The following GABRA2 variants were observed in gnomAD, a reference collection of about 807,000 sequenced individuals.
The protein encoded by GABRA2 is gamma-aminobutyric acid receptor subunit alpha-2.
GABRA2 carries 16 observed loss-of-function variants against 48.7 expected under a neutral mutation model. That is an observed-to-expected ratio of 0.33 (90% CI 0.22 to 0.50). The LOEUF (loss-of-function observed/expected upper bound fraction) is 0.50, where lower values mean the gene tolerates loss of function less well. Ranked by LOEUF, GABRA2 falls within the 20% of genes least tolerant of loss-of-function variation. GABRA2 has a pLI of 0.98. For synonymous variants in GABRA2, 185 were observed against 184.5 expected, an observed-to-expected ratio of 1.00 and a Z score of -0.02; for missense variants, 275 against 535.6, an observed-to-expected ratio of 0.51 and a Z score of 4.80.
rs1226125528 is a variant in GABRA2 at position 46,244,256 on chromosome 4, TTAAAAA to T, written c.*6046_*6051del. On this transcript the variant is annotated 3_prime_UTR_variant, in exon 10 of 10. Coordinates refer to ENST00000381620, the MANE Select transcript of GABRA2 (RefSeq NM_000807.4). ...TGCTTCAACGACTATGTCGAATATG[TTAAAAA>T]TAAATTCTGAACAAATCTATCAGTA... is the stretch of plus-strand genomic sequence containing the variant. 2.0e-5 allele frequency: 3 copies of T among 151,654 alleles called. No individual in the cohort carries two copies. Among genetic ancestry groups the T allele is most frequent in the African/African-American group, 7.2e-5 (3 of 41,416 alleles). 9.4% of individuals were successfully genotyped at this position (151,654 alleles called of 1,614,324 possible).
intron 8 of GABRA2, among the ~76,000 whole-genome samples, chr4:46,301,470 C>T (rs1477555761): frequency 6.6e-6 from 1 of 152,022 alleles, no homozygotes; most frequent in Non-Finnish European, 1.5e-5. Flanking sequence ...ACCTATAAGG[C>T]CCTTCTCATC....
chr4:46,319,036 G>A (rs1156701573), intron 4 of GABRA2, among the ~76,000 whole-genome samples: 1 of 151,620 alleles, frequency 6.6e-6, no homozygotes, highest in East Asian at 1.9e-4. Context: ...CCAGTCAAAT[G>A]TTTTTGCCAC....
Position 46,298,810 on chromosome 4 carries a change from T to C in GABRA2, c.856+4650A>G, listed in dbSNP as rs183731679. Reference sequence around the variant, plus strand: ...GGGCACTAACAGGTGAAGATATTAGTGTATTAATATATTGTATGTGACTCA... The same window carrying C: ...GGGCACTAACAGGTGAAGATATTAGCGTATTAATATATTGTATGTGACTCA... On this transcript the variant is annotated intron_variant, in intron 8 of 9. Transcript: ENST00000381620. 2.4e-3 allele frequency among the ~76,000 whole-genome samples: 369 copies of C among 152,010 alleles called. 2 individuals carry two copies. Among genetic ancestry groups the C allele is most frequent in the Non-Finnish European group, 4.5e-3 (305 of 67,802 alleles).
At chr4:46,271,489 C>T (rs1378195996) in intron 8 of GABRA2, among the ~76,000 whole-genome samples, 1 of 151,890 alleles carries the variant, frequency 6.6e-6, no homozygotes, top group Non-Finnish European at 1.5e-5. Context: ...ACAAATACAA[C>T]CTCAGCATAC....
intron 3 of GABRA2, among the ~76,000 whole-genome samples, chr4:46,352,699 A>T (rs1735330603): frequency 6.6e-6 from 1 of 152,046 alleles, no homozygotes; most frequent in Non-Finnish European, 1.5e-5. Context: ...GTCCATTTCC[A>T]TTCACTGTAG....
At chr4:46,258,036 T>C (rs901461671) in intron 9 of GABRA2, among the ~76,000 whole-genome samples, 18 of 151,942 alleles carry the variant, frequency 1.2e-4, no homozygotes, top group African/African-American at 4.1e-4. Flanking sequence ...GAGGTTGAGA[T>C]GTTATATTCA....
chr4:46,284,784 A>AT (rs1376187122), intron 8 of GABRA2, among the ~76,000 whole-genome samples: 7 of 151,976 alleles, frequency 4.6e-5, no homozygotes, highest in Non-Finnish European at 1.0e-4. Context: ...GAGCATATTA[A>AT]TTTTTTAAAA....
At chr4:46,279,416 G>T (rs907407016) in intron 8 of GABRA2, among the ~76,000 whole-genome samples, 2 of 151,886 alleles carry the variant, frequency 1.3e-5, no homozygotes, top group Non-Finnish European at 2.9e-5. Context: ...CTTACTTATT[G>T]TCTCACACCT....
intron 4 of GABRA2, among the ~76,000 whole-genome samples, chr4:46,323,045 T>C (rs1729723030): frequency 6.6e-6 from 1 of 151,734 alleles, no homozygotes; most frequent in Non-Finnish European, 1.5e-5. Flanking sequence ...TATTGTTGTC[T>C]TTTACAGAAT....
intron 5 of GABRA2, among the ~76,000 whole-genome samples, chr4:46,310,654 A>T (rs1053383087): frequency 1.3e-5 from 2 of 152,274 alleles, no homozygotes; most frequent in African/African-American, 4.8e-5. Context: ...AAAATTGATC[A>T]AAGGATTCAA....
At chr4:46,290,423 T>A (rs1384184444) in intron 8 of GABRA2, among the ~76,000 whole-genome samples, 1 of 152,116 alleles carries the variant, frequency 6.6e-6, no homozygotes, top group Non-Finnish European at 1.5e-5. Flanking sequence ...GTCTATTTAA[T>A]TAGATCTTTT....
chr4:46,253,462 C>G lies in GABRA2; in HGVS notation c.1060-2858G>C, dbSNP rs1032683609. On this transcript the variant is annotated intron_variant, in intron 9 of 9. Transcript: ENST00000381620. ...TTGTTTTATGCTAACACTGTGGACT[C>G]TTTAATAAGCAGTGTTAAAACTCGT... Among the ~76,000 whole-genome samples the G allele has an allele frequency of 3.3e-5, 5 of 151,468 alleles. No individual in the cohort carries two copies. The Admixed American group carries it at 3.3e-4, about 10-fold the overall frequency.
At chr4:46,388,880 C>T (rs1717839362) in intron 1 of GABRA2, 164 bp from the exon 2 acceptor site, 1 of 1,352,828 alleles carries the variant, frequency 7.4e-7, no homozygotes, top group Non-Finnish European at 9.5e-7. Flanking sequence ...GAGACGATTT[C>T]TTTTTTATGG....
At chr4:46,265,150 C>T (rs886227725) in intron 8 of GABRA2, among the ~76,000 whole-genome samples, 2 of 149,852 alleles carry the variant, frequency 1.3e-5, no homozygotes, top group African/African-American at 4.9e-5. Flanking sequence ...ATTCTTGTGC[C>T]TCAGCACCCT....
At chr4:46,321,948 G>A (rs544760256) in intron 4 of GABRA2, among the ~76,000 whole-genome samples, 2 of 152,002 alleles carry the variant, frequency 1.3e-5, no homozygotes, top group South Asian at 4.1e-4. Flanking sequence ...GCAATAAGGA[G>A]GTCACTGAGA....
intron 4 of GABRA2, among the ~76,000 whole-genome samples, chr4:46,313,438 C>T (rs1010718931): frequency 6.6e-6 from 1 of 151,926 alleles, no homozygotes; most frequent in Non-Finnish European, 1.5e-5. Context: ...TTTTAGAATA[C>T]TTAAATTATG....
intron 8 of GABRA2, among the ~76,000 whole-genome samples, chr4:46,283,594 G>T (rs79447685): frequency 0.012 from 1,884 of 152,172 alleles, 45 homozygotes; most frequent in African/African-American, 0.043. Context: ...TCCAAACATA[G>T]CCCTTTTGGA....
chr4:46,331,263 C>A (rs1731306725), intron 4 of GABRA2, among the ~76,000 whole-genome samples: 1 of 152,116 alleles, frequency 6.6e-6, no homozygotes, highest in Admixed American at 6.5e-5. Flanking sequence ...GTATCAACCA[C>A]TTCCAAAGAG....
chr4:46,311,342 C>T (rs1479242604), intron 5 of GABRA2, among the ~76,000 whole-genome samples: 1 of 152,146 alleles, frequency 6.6e-6, no homozygotes, highest in African/African-American at 2.4e-5. Context: ...TCTTAAATAA[C>T]TTTCATAACC....
Sources: allele counts gnomAD v4.1 joint callset (sites outside exome capture counted in the v4.1 genomes callset), GRCh38; gene constraint gnomAD v4.1.1; transcripts MANE v1.5; gene names NCBI Gene and HGNC (gene_info 2026-07-23, HGNC 2026-07-21).